Variants in TMEM117 observed in about 807,000 individuals in gnomAD.
TMEM117 encodes the protein transmembrane protein 117.
Under a neutral mutation model 52.4 loss-of-function variants are expected in TMEM117, and 27 were observed. The ratio of observed to expected loss-of-function variants is 0.51; its 90% CI spans 0.38 to 0.71. The LOEUF is 0.71. Among genes scored for constraint, TMEM117 ranks in the 30% least tolerant of loss-of-function variants. TMEM117 has a pLI of 0.00. For missense variants in TMEM117, 556 were observed against 630.5 expected (o/e 0.88, Z 1.26); for synonymous variants, 215 against 206.3 (o/e 1.04, Z -0.36).
intron 2 of TMEM117, among the ~76,000 whole-genome samples, chr12:43,907,828 A>G (rs1483502034): frequency 7.4e-6 from 1 of 134,548 alleles, no homozygotes; most frequent in African/African-American, 2.5e-5. Flanking sequence ...CAAAGCCTCC[A>G]AGAAATATGG....
At chr12:44,307,106 G>C (rs1360783483) in intron 6 of TMEM117, among the ~76,000 whole-genome samples, 3 of 152,202 alleles carry the variant, frequency 2.0e-5, no homozygotes, top group African/African-American at 7.2e-5. Context: ...ACTCTTGGTA[G>C]ACTTTATTTT....
intron 3 of TMEM117, among the ~76,000 whole-genome samples, chr12:44,114,908 G>A (rs1306178921): frequency 6.6e-6 from 1 of 152,112 alleles, no homozygotes; most frequent in Admixed American, 6.6e-5. Context: ...AAGAAAATCA[G>A]ATACAGGCTA....
intron 3 of TMEM117, among the ~76,000 whole-genome samples, chr12:44,052,827 A>T (rs759794638): frequency 6.6e-6 from 1 of 152,036 alleles, no homozygotes; most frequent in South Asian, 2.1e-4. Flanking sequence ...TCCGCTTTAG[A>T]TTTCTCAGGT....
the TMEM117 span, among the ~76,000 whole-genome samples, chr12:43,813,085 C>A: frequency 5.9e-5 from 9 of 151,962 alleles, no homozygotes; most frequent in African/African-American, 1.2e-4. Flanking sequence ...TCCCTTCAGG[C>A]TCCCAAGAGC....
chr12:44,247,358 G>A (rs895933324), intron 5 of TMEM117, among the ~76,000 whole-genome samples: 2 of 152,068 alleles, frequency 1.3e-5, no homozygotes, highest in Admixed American at 6.6e-5. Context: ...AGGATGAGAC[G>A]GCAACATTTT....
chr12:44,361,361 G>A (rs1951718188), intron 6 of TMEM117, among the ~76,000 whole-genome samples: 1 of 152,090 alleles, frequency 6.6e-6, no homozygotes, highest in Non-Finnish European at 1.5e-5. Context: ...CTTGAATGAG[G>A]AATGTATTCC....
At chr12:44,218,017 A>T (rs1340310726) in intron 5 of TMEM117, among the ~76,000 whole-genome samples, 4 of 152,116 alleles carry the variant, frequency 2.6e-5, no homozygotes, top group African/African-American at 9.7e-5. Flanking sequence ...TGAGTTCAGG[A>T]GTTCGAGACT....
chr12:44,138,955 A>T (rs1948531177), intron 3 of TMEM117, among the ~76,000 whole-genome samples: 1 of 152,288 alleles, frequency 6.6e-6, no homozygotes, highest in South Asian at 2.1e-4. Context: ...GGCATTTTGT[A>T]GTGACAAATT....
intron 3 of TMEM117, among the ~76,000 whole-genome samples, chr12:44,118,116 T>A (rs1702078082): frequency 3.9e-5 from 6 of 152,136 alleles, no homozygotes; most frequent in Admixed American, 3.9e-4. Context: ...TCAGGTGACA[T>A]TTTCCTTCCA....
At chr12:44,265,022 G>A (rs904121865) in intron 5 of TMEM117, among the ~76,000 whole-genome samples, 4 of 152,116 alleles carry the variant, frequency 2.6e-5, no homozygotes, top group Admixed American at 6.6e-5. Context: ...ATAAAGAAAC[G>A]AATGAGAAAC....
chr12:44,195,707 A>T (rs771885284), intron 4 of TMEM117, among the ~76,000 whole-genome samples: 4 of 152,138 alleles, frequency 2.6e-5, no homozygotes, highest in African/African-American at 4.8e-5. Context: ...CCTAATGAAC[A>T]TGTAACAATT....
intron 3 of TMEM117, among the ~76,000 whole-genome samples, chr12:44,041,566 T>C (rs1052356996): frequency 4.6e-5 from 7 of 152,242 alleles, no homozygotes; most frequent in African/African-American, 1.7e-4. Context: ...ATACACATTA[T>C]TTCATTACCC....
At chr12:44,391,038 A>G (rs367641080), downstream of TMEM117, among the ~76,000 whole-genome samples, 2 of 152,266 alleles carry the variant, frequency 1.3e-5, no homozygotes, top group African/African-American at 4.8e-5. Flanking sequence ...AAAAATTACT[A>G]AGCACAGATT....
chr12:43,934,064 T>C (rs1459937691), intron 2 of TMEM117, among the ~76,000 whole-genome samples: 1 of 152,228 alleles, frequency 6.6e-6, no homozygotes, highest in Non-Finnish European at 1.5e-5. Flanking sequence ...GGTTTTGACC[T>C]TAAAAATGCT....
At chr12:43,944,370 GGTGA>G (rs55892681) in intron 3 of TMEM117, 28 bp downstream of exon 3, 129,918 of 1,591,218 alleles carry the variant, frequency 0.082, 6,089 homozygotes, top group Middle Eastern at 0.19. Flanking sequence ...TTTCTACTGT[GGTGA>G]GTGTTATGTT....
chr12:44,395,599 A>T, the TMEM117 span, among the ~76,000 whole-genome samples: 2 of 152,212 alleles, frequency 1.3e-5, no homozygotes, highest in Non-Finnish European at 2.9e-5. Flanking sequence ...ATAAAAATCA[A>T]TTCCTTGCTC....
intron 3 of TMEM117, among the ~76,000 whole-genome samples, chr12:44,080,617 GTCACATCTTGCC>G (rs1947466540): frequency 6.6e-6 from 1 of 152,020 alleles, no homozygotes; most frequent in African/African-American, 2.4e-5. Flanking sequence ...TGGCTCACAG[GTCACATCTTGCC>G]TCCTACCTGT....
At chr12:44,292,636 A>G (rs570561207) in intron 5 of TMEM117, among the ~76,000 whole-genome samples, 2 of 152,066 alleles carry the variant, frequency 1.3e-5, no homozygotes, top group Admixed American at 1.3e-4. Flanking sequence ...GCTGCATCCT[A>G]TCAGTTTGGG....
chr12:44,081,047 A>C (rs1235737780), intron 3 of TMEM117, among the ~76,000 whole-genome samples: 1 of 152,192 alleles, frequency 6.6e-6, no homozygotes, highest in Non-Finnish European at 1.5e-5. Flanking sequence ...CTTTTGTACT[A>C]ATATTATGAA....
Sources: gnomAD v4.1 joint callset for allele counts (sites outside exome capture counted in the v4.1 genomes callset) on GRCh38, gnomAD v4.1.1 for gene constraint, MANE v1.5 for transcripts, NCBI Gene and HGNC (gene_info 2026-07-23, HGNC 2026-07-21) for gene names.